The following ASIC2 variants were observed in gnomAD, a reference collection of about 807,000 sequenced individuals.
ASIC2 encodes the protein acid sensing ion channel subunit 2.
In ASIC2, 25 loss-of-function variants were observed where a neutral mutation model predicts 57.3. The observed-to-expected ratio is 0.44, with a 90% CI of 0.32 to 0.61. The LOEUF (loss-of-function observed/expected upper bound fraction) is 0.61. Among genes scored for constraint, ASIC2 ranks in the 20% least tolerant of loss-of-function variants. ASIC2 has a pLI of 0.06. For synonymous variants in ASIC2, 319 were observed against 307.5 expected, an observed-to-expected ratio of 1.04 and a Z score of -0.39; for missense variants, 641 against 738.1, an observed-to-expected ratio of 0.87 and a Z score of 1.52.
chr17:33,861,148 A>G (rs898844755), intron 1 of ASIC2, among the ~76,000 whole-genome samples: 3 of 152,242 alleles, frequency 2.0e-5, no homozygotes, highest in African/African-American at 7.2e-5. Flanking sequence ...TATTTCTTAC[A>G]TTAGTCTTAT....
chr17:34,114,716 C>G (rs1476270034), intron 1 of ASIC2, among the ~76,000 whole-genome samples: 1 of 152,114 alleles, frequency 6.6e-6, no homozygotes, highest in Non-Finnish European at 1.5e-5. Context: ...AAGTGGGGAG[C>G]AGGTTCAGCC....
At chr17:33,969,930 G>A (rs773936945) in intron 1 of ASIC2, among the ~76,000 whole-genome samples, 8 of 152,136 alleles carry the variant, frequency 5.3e-5, no homozygotes, top group Non-Finnish European at 1.0e-4. Context: ...TAGGGGTCTG[G>A]GGGAAGAGGG....
In ASIC2 at chr17:33,750,476, C is replaced by T. The variant is rs553598918; in HGVS notation, c.555+405502G>A. Among the ~76,000 whole-genome samples the T allele has an allele frequency of 1.7e-4, 26 of 152,204 alleles. 1 individual carries two copies. In the South Asian group the frequency reaches 4.6e-3, roughly 27 times the overall value. On this transcript the variant is annotated intron_variant, in intron 1 of 9. Transcript: ENST00000359872. ...CTGGGGTGAGATGCTCGCTAGGAAC[C>T]TTTACATTCCAGAAATAACTTAGTG...
At chr17:33,408,908 G>A (rs1201561365) in intron 1 of ASIC2, among the ~76,000 whole-genome samples, 1 of 152,206 alleles carries the variant, frequency 6.6e-6, no homozygotes, top group East Asian at 1.9e-4. Context: ...AAGAGGGTGT[G>A]TACAGACAGA....
At chr17:33,090,055 C>G (rs778199378) in intron 2 of ASIC2, among the ~76,000 whole-genome samples, 1 of 152,164 alleles carries the variant, frequency 6.6e-6, no homozygotes, top group Non-Finnish European at 1.5e-5. Context: ...GGCTCCTTAC[C>G]CACCCCTTCC....
At chr17:33,176,639 C>T (rs1258487592) in intron 1 of ASIC2, among the ~76,000 whole-genome samples, 3 of 152,242 alleles carry the variant, frequency 2.0e-5, no homozygotes, top group Non-Finnish European at 4.4e-5. Context: ...GCCACAATGC[C>T]TGGCCTAATA....
intron 1 of ASIC2, among the ~76,000 whole-genome samples, chr17:33,640,952 C>G (rs761741972): frequency 6.6e-6 from 1 of 152,144 alleles, no homozygotes; most frequent in Non-Finnish European, 1.5e-5. Flanking sequence ...GAGTCCCTAC[C>G]TTGGAAAAAG....
At chr17:33,619,471 G>A (rs1018179330) in intron 1 of ASIC2, among the ~76,000 whole-genome samples, 2 of 152,176 alleles carry the variant, frequency 1.3e-5, no homozygotes, top group African/African-American at 4.8e-5. Context: ...AATAGAAAAG[G>A]ATTCAAGGGT....
chr17:33,764,518 C>T (rs1910877891), intron 1 of ASIC2, among the ~76,000 whole-genome samples: 1 of 149,330 alleles, frequency 6.7e-6, no homozygotes, highest in African/African-American at 2.4e-5. Context: ...GGGAGTACAT[C>T]TGGTGGGAAC....
chr17:33,863,356 C>A (rs1914144433), intron 1 of ASIC2, among the ~76,000 whole-genome samples: 1 of 152,162 alleles, frequency 6.6e-6, no homozygotes, highest in African/African-American at 2.4e-5. Flanking sequence ...ATGCTTTTAG[C>A]CCTAGAATGG....
At chr17:34,076,419 TCTA>T (rs1909655906) in intron 1 of ASIC2, among the ~76,000 whole-genome samples, 1 of 152,128 alleles carries the variant, frequency 6.6e-6, no homozygotes, top group Non-Finnish European at 1.5e-5. Flanking sequence ...CTCCCTTCAC[TCTA>T]CTGTTTTTCC....
At chr17:34,064,791 C>A (rs1909106548) in intron 1 of ASIC2, among the ~76,000 whole-genome samples, 1 of 152,192 alleles carries the variant, frequency 6.6e-6, no homozygotes, top group Non-Finnish European at 1.5e-5. Context: ...CTCAACATCA[C>A]TAATGATCAG....
At chr17:33,755,585 T>C (rs1910579345) in intron 1 of ASIC2, among the ~76,000 whole-genome samples, 1 of 152,238 alleles carries the variant, frequency 6.6e-6, no homozygotes, top group Admixed American at 6.5e-5. Flanking sequence ...AATGCTTTAG[T>C]TGATCATTTA....
chr17:33,257,117 T>C (rs942293123), intron 1 of ASIC2, among the ~76,000 whole-genome samples: 5 of 151,822 alleles, frequency 3.3e-5, no homozygotes, highest in African/African-American at 7.3e-5. Context: ...AAAAATGGAG[T>C]GATTTTACAT....
chr17:33,031,488 G>A (rs2091883462), intron 3 of ASIC2, among the ~76,000 whole-genome samples: 1 of 152,050 alleles, frequency 6.6e-6, no homozygotes, highest in African/African-American at 2.4e-5. Flanking sequence ...TTATTGAGAT[G>A]TTTTTATGAT....
intron 1 of ASIC2, among the ~76,000 whole-genome samples, chr17:33,144,739 AG>A (rs1904486249): frequency 6.6e-6 from 1 of 152,144 alleles, no homozygotes; most frequent in African/African-American, 2.4e-5. Flanking sequence ...GTGTGCACTG[AG>A]CCCAGAGCTC....
chr17:33,538,250 G>A (rs1212721945), intron 1 of ASIC2, among the ~76,000 whole-genome samples: 1 of 152,198 alleles, frequency 6.6e-6, no homozygotes, highest in African/African-American at 2.4e-5. Context: ...GGACTTAGAG[G>A]TGAAAATGGT....
chr17:33,679,226 C>T (rs141005421), intron 1 of ASIC2, among the ~76,000 whole-genome samples: 1 of 152,294 alleles, frequency 6.6e-6, no homozygotes, highest in African/African-American at 2.4e-5. Flanking sequence ...GAAGTGGAGA[C>T]ATCCTTCATG....
chr17:34,032,334 G>C (rs909072660), intron 1 of ASIC2, among the ~76,000 whole-genome samples: 1 of 152,194 alleles, frequency 6.6e-6, no homozygotes, highest in Non-Finnish European at 1.5e-5. Flanking sequence ...TCACCACCAG[G>C]CCTGCCCTAC....
Sources: gnomAD v4.1 joint callset for allele counts (sites outside exome capture counted in the v4.1 genomes callset) on GRCh38, gnomAD v4.1.1 for gene constraint, MANE v1.5 for transcripts, NCBI Gene and HGNC (gene_info 2026-07-23, HGNC 2026-07-21) for gene names.